NAALADL2: variants seen among roughly 807,000 people sequenced by gnomAD.
The protein encoded by NAALADL2 is N-acetylated alpha-linked acidic dipeptidase like 2.
A neutral mutation model predicts 87.2 loss-of-function variants in NAALADL2; 76 were observed. The observed-to-expected ratio is 0.87, with a 90% CI of 0.72 to 1.05. The LOEUF is 1.05. Ranked by LOEUF, NAALADL2 falls within the 50% of genes least tolerant of loss-of-function variation. The probability of loss-of-function intolerance (pLI) is 0.00; values close to 1 mark genes in which losing one functional copy is unlikely to be tolerated. For synonymous variants in NAALADL2, 354 were observed against 331.0 expected (o/e 1.07, Z -0.75); for missense variants, 1,089 against 945.8 (o/e 1.15, Z -1.99).
At chr3:175,309,489 T>C (rs981494988) in intron 4 of NAALADL2, among the ~76,000 whole-genome samples, 7 of 152,166 alleles carry the variant, frequency 4.6e-5, no homozygotes, top group Admixed American at 1.3e-4. Flanking sequence ...CCCAGCCCAT[T>C]ATCCTATTTT....
intron 1 of NAALADL2, among the ~76,000 whole-genome samples, chr3:174,977,231 G>C (rs377214597): frequency 6.6e-6 from 1 of 152,116 alleles, no homozygotes; most frequent in African/African-American, 2.4e-5. Context: ...CCGGGGGCTG[G>C]AGGCAGGCAT....
chr3:175,716,358 T>C (rs1191283080), intron 11 of NAALADL2, among the ~76,000 whole-genome samples: 1 of 147,196 alleles, frequency 6.8e-6, no homozygotes, highest in Non-Finnish European at 1.5e-5. Flanking sequence ...TATGTATATG[T>C]GTGTGTGTAT....
chr3:175,319,732 A>G (rs1003506159), intron 4 of NAALADL2, among the ~76,000 whole-genome samples: 26 of 152,198 alleles, frequency 1.7e-4, no homozygotes. Flanking sequence ...AGGCAGGAGA[A>G]TGGCTTGAAC....
At chr3:175,690,467 A>G (rs753363309) in intron 11 of NAALADL2, among the ~76,000 whole-genome samples, 3 of 151,964 alleles carry the variant, frequency 2.0e-5, no homozygotes, top group African/African-American at 4.8e-5. Context: ...TCCAAATTTT[A>G]TTGTTTCTGC....
intron 5 of NAALADL2, among the ~76,000 whole-genome samples, chr3:175,436,497 T>C (rs1718697590): frequency 6.9e-6 from 1 of 144,474 alleles, no homozygotes; most frequent in Non-Finnish European, 1.5e-5. Context: ...TTTCTCCACA[T>C]CCTCTCCAGC....
intron 2 of NAALADL2, among the ~76,000 whole-genome samples, chr3:174,625,851 T>C (rs1300484928): frequency 6.6e-6 from 1 of 152,062 alleles, no homozygotes; most frequent in African/African-American, 2.4e-5. Context: ...TATTCACACC[T>C]GTGCGCATAT....
At chr3:175,213,336 G>T (rs1742041714) in intron 2 of NAALADL2, among the ~76,000 whole-genome samples, 1 of 151,962 alleles carries the variant, frequency 6.6e-6, no homozygotes, top group African/African-American at 2.4e-5. Flanking sequence ...ATTAAGGGAG[G>T]TTGTAGGGAA....
chr3:175,802,738 CT>C (rs147807605), intron 13 of NAALADL2, among the ~76,000 whole-genome samples: 9 of 149,126 alleles, frequency 6.0e-5, no homozygotes, highest in African/African-American at 2.0e-4. Flanking sequence ...ATCAAAACTG[CT>C]TTTTTTTGTT....
intron 2 of NAALADL2, among the ~76,000 whole-genome samples, chr3:174,613,214 C>T (rs146280966): frequency 2.6e-5 from 4 of 152,338 alleles, no homozygotes; most frequent in Admixed American, 1.3e-4. Flanking sequence ...TGGCCACCAT[C>T]ACCAGGACTG....
chr3:174,588,058 CTTTG>C (rs983665344), intron 2 of NAALADL2, among the ~76,000 whole-genome samples: 6 of 152,214 alleles, frequency 3.9e-5, no homozygotes, highest in African/African-American at 7.2e-5. Context: ...TTCTTGGAGG[CTTTG>C]TTTGTTTCTT....
At chr3:175,524,560 T>G (rs2149428638) in intron 9 of NAALADL2, among the ~76,000 whole-genome samples, 1 of 152,242 alleles carries the variant, frequency 6.6e-6, no homozygotes, top group Admixed American at 6.5e-5. Flanking sequence ...CTTATATAGT[T>G]TATACCACTT....
intron 11 of NAALADL2, among the ~76,000 whole-genome samples, chr3:175,685,251 G>T (rs990267601): frequency 4.6e-5 from 7 of 152,120 alleles, no homozygotes; most frequent in African/African-American, 1.7e-4. Context: ...TCTTAGCCAT[G>T]CCCATCAGCT....
intron 2 of NAALADL2, among the ~76,000 whole-genome samples, chr3:175,207,536 G>T (rs1486567666): frequency 6.6e-6 from 1 of 152,012 alleles, no homozygotes; most frequent in East Asian, 1.9e-4. Flanking sequence ...GTATATTTTG[G>T]TCAGCAGTTC....
intron 1 of NAALADL2, among the ~76,000 whole-genome samples, chr3:175,061,942 A>G (rs913261299): frequency 6.6e-6 from 1 of 152,052 alleles, no homozygotes; most frequent in Admixed American, 6.6e-5. Context: ...CACAACTGGA[A>G]CTCATACATT....
At chr3:174,981,607 A>G (rs1262069477) in intron 1 of NAALADL2, among the ~76,000 whole-genome samples, 1 of 152,222 alleles carries the variant, frequency 6.6e-6, no homozygotes, top group East Asian at 1.9e-4. Context: ...TCAAATGTAA[A>G]TATACTATCA....
At chr3:174,721,129 T>C (rs1187052263) in intron 2 of NAALADL2, among the ~76,000 whole-genome samples, 1 of 152,196 alleles carries the variant, frequency 6.6e-6, no homozygotes, top group African/African-American at 2.4e-5. Context: ...TAACATGTTA[T>C]GCTAATAATT....
In NAALADL2 at chr3:175,169,456, A is replaced by AATATATATATATAT. The variant is rs141242519; in HGVS notation, c.546-64471_546-64458dup. 1.6e-3 allele frequency among the ~76,000 whole-genome samples: 238 copies of AATATATATATATAT among 147,106 alleles called. 1 individual carries two copies. Among genetic ancestry groups the AATATATATATATAT allele is most frequent in the Middle Eastern group, 3.5e-3 (1 of 282 alleles). ...ACATAACTAAGAGGGTAGTTGTAAG[A>AATATATATATATAT]ATATATATATATATATAATCTGTTG... is the stretch of plus-strand genomic sequence containing the variant. On this transcript the variant is annotated intron_variant, in intron 2 of 13. Coordinates refer to ENST00000454872, the MANE Select transcript of NAALADL2 (RefSeq NM_207015.3).
chr3:175,680,839 G>T (rs1735490742), intron 11 of NAALADL2, among the ~76,000 whole-genome samples: 1 of 152,166 alleles, frequency 6.6e-6, no homozygotes, highest in Non-Finnish European at 1.5e-5. Flanking sequence ...TTAAGGCCGG[G>T]CACAGTAGCT....
chr3:175,435,852 T>C (rs1718548630), intron 5 of NAALADL2, among the ~76,000 whole-genome samples: 2 of 15,758 alleles, frequency 1.3e-4, no homozygotes, highest in Admixed American at 1.2e-3. Context: ...TGTGTAGTAC[T>C]TTTTTTTTTT....
Sources: allele counts gnomAD v4.1 joint callset (sites outside exome capture counted in the v4.1 genomes callset), GRCh38; gene constraint gnomAD v4.1.1; transcripts MANE v1.5; gene names NCBI Gene and HGNC (gene_info 2026-07-23, HGNC 2026-07-21).